The following SGCZ variants were observed in gnomAD, a reference collection of about 807,000 sequenced individuals.
The protein encoded by SGCZ is sarcoglycan zeta.
SGCZ carries 40 observed loss-of-function variants against 41.3 expected under a neutral mutation model. The observed-to-expected ratio is 0.97, with a 90% CI of 0.75 to 1.26. The LOEUF (loss-of-function observed/expected upper bound fraction) is 1.26, where lower values mean the gene tolerates loss of function less well. Among genes scored for constraint, SGCZ ranks in the 50% most tolerant of loss-of-function variants. The probability of loss-of-function intolerance (pLI) is 0.00; values close to 1 mark genes in which losing one functional copy is unlikely to be tolerated. For missense variants in SGCZ, 552 were observed against 369.8 expected (o/e 1.49, Z -4.04); for synonymous variants, 206 against 137.5 (o/e 1.50, Z -3.49).
intron 1 of SGCZ, among the ~76,000 whole-genome samples, chr8:14,632,081 C>G (rs973516643): frequency 6.6e-6 from 1 of 152,012 alleles, no homozygotes; most frequent in East Asian, 1.9e-4. Flanking sequence ...TGCAGTGGCA[C>G]AATCACAGCT....
chr8:14,214,959 TA>T (rs1177198604), intron 4 of SGCZ, among the ~76,000 whole-genome samples: 1 of 152,068 alleles, frequency 6.6e-6, no homozygotes, highest in African/African-American at 2.4e-5. Context: ...TTAAGATGAT[TA>T]GGGGAAAGAA....
At chr8:15,199,074 A>C (rs1800819107) in intron 1 of SGCZ, among the ~76,000 whole-genome samples, 1 of 152,192 alleles carries the variant, frequency 6.6e-6, no homozygotes, top group Non-Finnish European at 1.5e-5. Context: ...CTCTGCCAAA[A>C]CTAGGTACCA....
intron 1 of SGCZ, among the ~76,000 whole-genome samples, chr8:14,619,930 A>G (rs989997905): frequency 6.6e-6 from 1 of 152,180 alleles, no homozygotes; most frequent in Non-Finnish European, 1.5e-5. Context: ...ACAGAATTGG[A>G]AAAAACTACT....
At chr8:14,549,866 C>G (rs757761263) in intron 2 of SGCZ, among the ~76,000 whole-genome samples, 7 of 151,790 alleles carry the variant, frequency 4.6e-5, no homozygotes, top group Non-Finnish European at 1.0e-4. Context: ...AGATTTGTAG[C>G]TTAGGAGGTA....
At chr8:14,125,072 A>G (rs1469010057) in intron 5 of SGCZ, among the ~76,000 whole-genome samples, 1 of 152,216 alleles carries the variant, frequency 6.6e-6, no homozygotes, top group Non-Finnish European at 1.5e-5. Flanking sequence ...AATACCAAGG[A>G]ATACCACTAA....
intron 1 of SGCZ, among the ~76,000 whole-genome samples, chr8:15,174,490 T>C (rs1204400644): frequency 6.6e-6 from 1 of 152,146 alleles, no homozygotes; most frequent in Non-Finnish European, 1.5e-5. Context: ...TGTGGTAAGC[T>C]TGACGAAAAT....
chr8:14,147,416 T>C (rs1346869250), intron 5 of SGCZ, among the ~76,000 whole-genome samples: 4 of 152,108 alleles, frequency 2.6e-5, no homozygotes, highest in Non-Finnish European at 4.4e-5. Context: ...GGAGTTGCTA[T>C]ACTCATATCA....
At chr8:15,184,052 T>C (rs1800257918) in intron 1 of SGCZ, among the ~76,000 whole-genome samples, 1 of 152,188 alleles carries the variant, frequency 6.6e-6, no homozygotes, top group African/African-American at 2.4e-5. Flanking sequence ...AGTGCTGAAA[T>C]AATATATTTT....
chr8:14,479,048 G>A (rs541261909), intron 2 of SGCZ, among the ~76,000 whole-genome samples: 1 of 152,270 alleles, frequency 6.6e-6, no homozygotes, highest in Non-Finnish European at 1.5e-5. Context: ...AGGATTAAAT[G>A]GATAGAGGTA....
intron 1 of SGCZ, among the ~76,000 whole-genome samples, chr8:14,783,282 A>C (rs2130441230): frequency 6.6e-6 from 1 of 152,306 alleles, no homozygotes; most frequent in South Asian, 2.1e-4. Context: ...GAAGATACAA[A>C]AATTAACTGG....
rs146606490 is a variant in SGCZ, at chr8:14,799,321, G to C, written c.40-244395C>G. Among the ~76,000 whole-genome samples, 423 of 152,130 alleles carry C rather than the reference G, an allele frequency of 2.8e-3. 3 individuals carry two copies. Among genetic ancestry groups the C allele is most frequent in the African/African-American group, 9.6e-3 (400 of 41,504 alleles). On this transcript the variant is annotated intron_variant, in intron 1 of 7. Transcript: ENST00000382080. Reference sequence around the variant, plus strand: ...TTATATGCTCTTGAGCAAAAAGTTGGATGCATTTTGTAAAAATCAACCCTT... The same window carrying C: ...TTATATGCTCTTGAGCAAAAAGTTGCATGCATTTTGTAAAAATCAACCCTT...
chr8:15,055,875 G>C (rs1249611677), intron 1 of SGCZ, among the ~76,000 whole-genome samples: 2 of 152,140 alleles, frequency 1.3e-5, no homozygotes, highest in Non-Finnish European at 2.9e-5. Flanking sequence ...CCACCTGCCT[G>C]AAAGTCCAGT....
chr8:14,098,104 C>T (rs1432216115), intron 7 of SGCZ, among the ~76,000 whole-genome samples: 2 of 152,232 alleles, frequency 1.3e-5, no homozygotes, highest in African/African-American at 4.8e-5. Context: ...ACACCTTCTA[C>T]ATAACACAAA....
intron 1 of SGCZ, among the ~76,000 whole-genome samples, chr8:14,734,341 TAAG>T (rs1196794927): frequency 5.9e-5 from 9 of 152,104 alleles, no homozygotes; most frequent in Admixed American, 5.2e-4. Flanking sequence ...TAATAAATGG[TAAG>T]AAAACTACAG....
intron 1 of SGCZ, among the ~76,000 whole-genome samples, chr8:15,060,576 G>C (rs1452726842): frequency 2.0e-5 from 3 of 150,934 alleles, no homozygotes; most frequent in Non-Finnish European, 4.4e-5. Context: ...TAATGTAAAT[G>C]ACGAGTTAAT....
chr8:14,810,208 A>G (rs1046252488), intron 1 of SGCZ, among the ~76,000 whole-genome samples: 12 of 152,062 alleles, frequency 7.9e-5, no homozygotes, highest in Non-Finnish European at 1.5e-4. Flanking sequence ...TATAATTAGC[A>G]GATTGTGAAT....
chr8:14,124,025 A>C (rs1802778389), intron 5 of SGCZ, among the ~76,000 whole-genome samples: 1 of 152,156 alleles, frequency 6.6e-6, no homozygotes, highest in Non-Finnish European at 1.5e-5. Flanking sequence ...GGTCTTTAGG[A>C]GCTGGAAAAG....
intron 5 of SGCZ, among the ~76,000 whole-genome samples, chr8:14,147,682 C>A (rs1430290084): frequency 1.3e-5 from 2 of 152,140 alleles, no homozygotes; most frequent in Non-Finnish European, 2.9e-5. Context: ...AAGCATCTGA[C>A]TTATTCTGCA....
chr8:14,771,697 G>A (rs972957193), intron 1 of SGCZ, among the ~76,000 whole-genome samples: 1 of 152,084 alleles, frequency 6.6e-6, no homozygotes, highest in Non-Finnish European at 1.5e-5. Flanking sequence ...TTGGGAAGCA[G>A]TGGAATGTTC....
Sources: gnomAD v4.1 joint callset for allele counts (sites outside exome capture counted in the v4.1 genomes callset) on GRCh38, gnomAD v4.1.1 for gene constraint, MANE v1.5 for transcripts, NCBI Gene and HGNC (gene_info 2026-07-23, HGNC 2026-07-21) for gene names.